Variants in KDM6A observed in about 807,000 individuals in gnomAD.
KDM6A encodes the protein lysine-specific demethylase 6A.
Under a neutral mutation model 117.6 loss-of-function variants are expected in KDM6A, and 11 were observed. The ratio of observed to expected loss-of-function variants is 0.09; its 90% confidence interval spans 0.06 to 0.15. The LOEUF (loss-of-function observed/expected upper bound fraction) is 0.15. Among genes scored for constraint, KDM6A ranks in the 10% least tolerant of loss-of-function variants. KDM6A has a pLI of 1.00. For synonymous variants in KDM6A, 384 were observed against 396.1 expected (o/e 0.97, Z 0.36); for missense variants, 799 against 1,077.3 (o/e 0.74, Z 3.62).
intron 4 of KDM6A, among the ~76,000 whole-genome samples, chrX:44,994,605 G>A (rs1047601370): frequency 4.5e-5 from 5 of 112,061 alleles, no homozygotes; most frequent in Non-Finnish European, 9.4e-5. Flanking sequence ...TTTTAGTGCC[G>A]CAAAAGAAAT....
At chrX:44,896,144 G>A (rs1020413788) in intron 2 of KDM6A, among the ~76,000 whole-genome samples, 5 of 106,350 alleles carry the variant, frequency 4.7e-5, no homozygotes, top group Non-Finnish European at 9.6e-5. Context: ...CTGGATTTCC[G>A]CTCACTGCAA....
At chrX:44,978,902 C>G (rs2039747892) in intron 4 of KDM6A, among the ~76,000 whole-genome samples, 1 of 111,918 alleles carries the variant, frequency 8.9e-6, no homozygotes, top group Non-Finnish European at 1.9e-5. Context: ...TGAGATTCAT[C>G]CATGTTGTGT....
intron 2 of KDM6A, among the ~76,000 whole-genome samples, chrX:44,899,934 C>T (rs1469927925): frequency 8.9e-6 from 1 of 111,962 alleles, no homozygotes; most frequent in African/African-American, 3.2e-5. Context: ...CATTTTAAAG[C>T]TGTTTCTATT....
intron 2 of KDM6A, among the ~76,000 whole-genome samples, chrX:44,956,489 TCC>T (rs2038334028): frequency 9.0e-6 from 1 of 110,743 alleles, no homozygotes; most frequent in Non-Finnish European, 1.9e-5. Context: ...AGCCTCATCT[TCC>T]CAGACCCAAG....
intron 2 of KDM6A, among the ~76,000 whole-genome samples, chrX:44,900,991 T>C (rs758120221): frequency 1.8e-5 from 2 of 113,034 alleles, no homozygotes; most frequent in African/African-American, 6.4e-5. Context: ...GTTTTTCATA[T>C]ATTTGTGAAT....
At chrX:45,040,770 G>A (rs1206533126) in intron 8 of KDM6A, among the ~76,000 whole-genome samples, 7 of 72,191 alleles carry the variant, frequency 9.7e-5, no homozygotes, top group Admixed American at 4.0e-4. Context: ...CCGGGCGGGG[G>A]GCTGACCCCC....
chrX:45,014,811 A>T (rs1480416290), intron 5 of KDM6A, among the ~76,000 whole-genome samples: 1 of 112,218 alleles, frequency 8.9e-6, no homozygotes, highest in Non-Finnish European at 1.9e-5. Context: ...AAGAATCCTT[A>T]TTAACTATCT....
At chrX:45,097,281 A>G (rs1474296822) in intron 27 of KDM6A, among the ~76,000 whole-genome samples, 1 of 110,974 alleles carries the variant, frequency 9.0e-6, no homozygotes, top group African/African-American at 3.3e-5. Context: ...GTGACAAAAT[A>G]ATCTGTACAA....
At chrX:44,973,726 T>C (rs2039477823) in intron 3 of KDM6A, among the ~76,000 whole-genome samples, 1 of 111,071 alleles carries the variant, frequency 9.0e-6, no homozygotes, top group Admixed American at 9.5e-5. Context: ...ATGTTAGACC[T>C]CCGGGGCACA....
intron 2 of KDM6A, among the ~76,000 whole-genome samples, chrX:44,934,568 G>A (rs1404562760): frequency 3.6e-5 from 4 of 111,560 alleles, no homozygotes; most frequent in Non-Finnish European, 5.6e-5. Context: ...GTTGGATTAA[G>A]CTTTTCATTA....
intron 2 of KDM6A, among the ~76,000 whole-genome samples, chrX:44,890,823 A>T (rs1427938487): frequency 9.4e-6 from 1 of 106,675 alleles, no homozygotes; most frequent in Non-Finnish European, 1.9e-5. Context: ...CACATCTAAT[A>T]TTTGTATTTT....
At chrX:44,992,769 A>G (rs1440653336) in intron 4 of KDM6A, among the ~76,000 whole-genome samples, 1 of 108,672 alleles carries the variant, frequency 9.2e-6, no homozygotes, top group Non-Finnish European at 1.9e-5. Flanking sequence ...AATGGTCTCA[A>G]TCTCCTGACC....
Position 45,060,783 on chromosome X carries a change from T to C in KDM6A, c.1485+19T>C, listed in dbSNP as rs1333649919. 2.0e-6 allele frequency: 2 copies of C among 1,016,051 alleles called. No homozygotes were observed. The highest frequency in any genetic ancestry group is 2.1e-5 in the South Asian group (1 of 47,928). The allele number at this position is 1,016,051 out of a possible 1,213,427, so 83.7% of individuals were successfully genotyped here. On this transcript the variant is annotated intron_variant, in intron 14 of 29. Transcript: ENST00000611820. ...AACAAAGGTATATGTTTTAGAGAAATAGAAAATCCCAGTCAAAAAAGAAGT... is the reference window on the plus strand; with the variant it reads ...AACAAAGGTATATGTTTTAGAGAAACAGAAAATCCCAGTCAAAAAAGAAGT...
At position 44,961,363 on chromosome X, in the gene KDM6A, T is replaced by G; in HGVS notation, c.305T>G (p.Phe102Cys). ...GATTTCTTTTGTCAATTAGGTCACT[T>G]CAACCTCTTATTGGAAGATTATCCA... is the stretch of plus-strand genomic sequence containing the variant. ...ESDFFCQLGH[F>C]NLLLEDYPKA... The change falls in exon 3 of 30, where the codon TTC becomes TGC. Residue 102 changes from phenylalanine to cysteine, a missense_variant. By Grantham distance (205) the Phe-to-Cys change is radical (BLOSUM62 -2). Around this residue, in one of 8 missense-constraint regions of KDM6A, gnomAD observed 89 missense variants for 117.8 expected, o/e 0.76. Transcript: ENST00000611820. 8.4e-7 allele frequency: 1 copy of G among 1,184,592 alleles called. No homozygotes were observed. Among genetic ancestry groups the G allele is most frequent in the Non-Finnish European group, 1.1e-6 (1 of 871,416 alleles).
At chrX:45,022,338 G>C (rs978698918) in intron 6 of KDM6A, among the ~76,000 whole-genome samples, 4 of 112,046 alleles carry the variant, frequency 3.6e-5, no homozygotes, top group African/African-American at 1.3e-4. Flanking sequence ...TGTTCAGGTA[G>C]AAAGTCTAAA....
chrX:45,110,113 A>G lies in KDM6A; in HGVS notation c.4196A>G (p.Glu1399Gly). ...TTTGATCTGCTTTTTGTCACTAATG[A>G]GAGTAATTCACGAAAGACCTACATA... ...EVFDLLFVTN[E>G]SNSRKTYIVH... Residue 1399 changes from glutamate (E) to glycine (G), a missense_variant, in exon 29 of 30, where the codon GAG becomes GGG. Glu to Gly is a moderately conservative substitution (Grantham distance 98). This residue lies in a region of KDM6A where 291 missense variants were observed against 437.9 expected (regional missense o/e 0.66). Coordinates refer to ENST00000611820, the MANE Select transcript of KDM6A (RefSeq NM_001291415.2). 1 of 1,210,667 alleles carries G rather than the reference A, an allele frequency of 8.3e-7. No individual in the cohort carries two copies.
intron 8 of KDM6A, among the ~76,000 whole-genome samples, chrX:45,041,204 G>A (rs866324336): frequency 8.3e-5 from 7 of 84,188 alleles, no homozygotes; most frequent in African/African-American, 1.7e-4. Flanking sequence ...CCCGGACGGG[G>A]CGGCTGGCCG....
At chrX:45,090,901 T>A in intron 27 of KDM6A, 37 bp downstream of exon 27, 1 of 1,191,251 alleles carries the variant, frequency 8.4e-7, no homozygotes, top group Non-Finnish European at 1.1e-6. Flanking sequence ...TCCCTCTCTT[T>A]TTGGGGAGTG....
intron 9 of KDM6A, among the ~76,000 whole-genome samples, chrX:45,052,198 C>A: frequency 8.9e-6 from 1 of 112,044 alleles, no homozygotes; most frequent in Non-Finnish European, 1.9e-5. Context: ...AACTGTAGAA[C>A]GTCTAACACT....
Sources: allele counts gnomAD v4.1 joint callset (sites outside exome capture counted in the v4.1 genomes callset), GRCh38; gene constraint gnomAD v4.1.1; regional missense constraint gnomAD v4.1.1; transcripts MANE v1.5; gene names NCBI Gene and HGNC (gene_info 2026-07-23, HGNC 2026-07-21).